The following ZNF568 variants were observed in gnomAD, a reference collection of about 807,000 sequenced individuals.
ZNF568 encodes p53 inhibitor of SCO2 activation.
A neutral mutation model predicts 18.1 loss-of-function variants in ZNF568; 11 were observed. The observed-to-expected ratio is 0.61, with a 90% CI of 0.38 to 1.00. ZNF568 has a LOEUF of 1.00. Ranked by LOEUF, ZNF568 falls within the 50% of genes least tolerant of loss-of-function variation. ZNF568 has a pLI of 0.01. For missense variants in ZNF568, 639 were observed against 768.2 expected (o/e 0.83, Z 1.99); for synonymous variants, 213 against 246.6 (o/e 0.86, Z 1.28).
chr19:36,965,747 G>A (rs975083170), intron 6 of ZNF568, among the ~76,000 whole-genome samples: 2 of 147,092 alleles, frequency 1.4e-5, no homozygotes, highest in Non-Finnish European at 3.0e-5. Context: ...TGTCATGCAG[G>A]CTGGAGTGCA....
At chr19:36,946,299 C>T (rs504549) in intron 6 of ZNF568, among the ~76,000 whole-genome samples, 58,031 of 151,738 alleles carry the variant, frequency 0.38, 11,644 homozygotes, top group African/African-American at 0.5. Flanking sequence ...CTTTCCTTTT[C>T]TTCTGGAATA....
chr19:36,960,813 C>T (rs190806386), intron 6 of ZNF568, among the ~76,000 whole-genome samples: 2 of 151,354 alleles, frequency 1.3e-5, no homozygotes, highest in East Asian at 1.9e-4. Context: ...TATTTAATTT[C>T]CATTTATTGG....
downstream of ZNF568, among the ~76,000 whole-genome samples, chr19:36,981,192 G>A (rs752430291): frequency 2.0e-5 from 3 of 152,046 alleles, no homozygotes; most frequent in East Asian, 3.8e-4. Context: ...CTGTCCGTCC[G>A]TTTGTCTATT....
intron 6 of ZNF568, among the ~76,000 whole-genome samples, chr19:36,957,745 A>G (rs1278505884): frequency 6.6e-6 from 1 of 152,236 alleles, no homozygotes; most frequent in African/African-American, 2.4e-5. Flanking sequence ...GTGGAAAAGA[A>G]GAGCAAGATT....
Position 36,937,152 on chromosome 19 carries a change from C to G in ZNF568, c.268C>G (p.Gln90Glu). The change falls in exon 6 of 7, where the codon CAA (glutamine) becomes GAA (glutamate). Residue 90 changes from glutamine to glutamate, a missense_variant. Gln to Glu is a conservative substitution (Grantham distance 29). Coordinates refer to ENST00000333987, the MANE Select transcript of ZNF568 (RefSeq NM_198539.4). Reference protein sequence around the residue: ...NYSNLVTVGCQVTKPDVIFKL... With the variant: ...NYSNLVTVGCEVTKPDVIFKL... The stretch of plus-strand genomic sequence containing the variant: ...TTTGCTATTTCTTGTAATAGGCTGT[C>G]AAGTCACCAAACCGGATGTGATATT... 1 of 1,613,582 alleles carries G rather than the reference C, an allele frequency of 6.2e-7. No individual in the cohort carries two copies. The highest frequency in any genetic ancestry group is 8.5e-7 in the Non-Finnish European group (1 of 1,179,690).
At chr19:36,930,947 A>G (rs1834539509) in intron 4 of ZNF568, among the ~76,000 whole-genome samples, 1 of 152,226 alleles carries the variant, frequency 6.6e-6, no homozygotes, top group South Asian at 2.1e-4. Flanking sequence ...TTTTTCAGTC[A>G]GAAATGTGTC....
chr19:36,922,310 G>A (rs994935115), intron 2 of ZNF568, among the ~76,000 whole-genome samples: 1 of 152,136 alleles, frequency 6.6e-6, no homozygotes, highest in Non-Finnish European at 1.5e-5. Context: ...GTTGAGTGTT[G>A]TCATGGTATG....
At chr19:36,960,351 C>T (rs557996961) in intron 6 of ZNF568, among the ~76,000 whole-genome samples, 5 of 151,894 alleles carry the variant, frequency 3.3e-5, no homozygotes, top group East Asian at 1.9e-4. Flanking sequence ...CTCCTGACCT[C>T]AGGTGATCCA....
At position 36,919,019 on chromosome 19, in the gene ZNF568, T is replaced by C. The variant is rs1386195421; in HGVS notation, c.-186+1371T>C. On this transcript the variant is annotated intron_variant, in intron 2 of 6. Coordinates refer to ENST00000333987, the MANE Select transcript of ZNF568 (RefSeq NM_198539.4). ...GTCATATATGGATAAATATTTTGTT[T>C]ATCAATTTATTCATCATTGGACACT... is the stretch of plus-strand genomic sequence containing the variant. Among the ~76,000 whole-genome samples the C allele has an allele frequency of 3.3e-5, 5 of 152,338 alleles. No homozygotes were observed. The East Asian group carries it at 9.6e-4, about 29-fold the overall frequency.
downstream of ZNF568, among the ~76,000 whole-genome samples, chr19:36,953,539 T>A (rs1216410861): frequency 7.9e-5 from 12 of 152,204 alleles, 1 homozygote; most frequent in Admixed American, 7.2e-4. Context: ...AACCAACCCT[T>A]ACAGAGGTGA....
At chr19:36,960,144 TCC>T in intron 6 of ZNF568, among the ~76,000 whole-genome samples, 1 of 132,490 alleles carries the variant, frequency 7.5e-6, no homozygotes, top group African/African-American at 2.8e-5. Flanking sequence ...AGACAGAGTC[TCC>T]TCGCTCTGTT....
chr19:36,924,641 C>T (rs2073520656), intron 3 of ZNF568, among the ~76,000 whole-genome samples: 1 of 150,374 alleles, frequency 6.7e-6, no homozygotes, highest in Non-Finnish European at 1.5e-5. Context: ...CCAGCCTGGC[C>T]AACATGGTGA....
At position 36,950,373 on chromosome 19, in the gene ZNF568, T is replaced by C. The variant is rs770041547; in HGVS notation, c.1220T>C (p.Ile407Thr). The C allele has an allele frequency of 1.9e-6, 3 of 1,613,880 alleles. No homozygotes were observed. Among genetic ancestry groups the C allele is most frequent in the Non-Finnish European group, 2.5e-6 (3 of 1,179,892 alleles). Residue 407 changes from isoleucine to threonine, a missense_variant, in exon 7 of 7, where the codon ATA (isoleucine) becomes ACA (threonine). Transcript: ENST00000333987. ...TTCTCTCAATGCTCAGTATTTATTA[T>C]ACATATGAGAAGTCACACTGGTGAG... ...KAFSQCSVFI[I>T]HMRSHTGEKP... is the part of the protein sequence containing the mutation.
At chr19:36,959,574 C>T (rs113375836) in intron 6 of ZNF568, among the ~76,000 whole-genome samples, 7 of 152,188 alleles carry the variant, frequency 4.6e-5, no homozygotes, top group African/African-American at 1.7e-4. Context: ...GAAATAGTTT[C>T]AGGAGAATTG....
chr19:36,983,222 ATACT>A (rs1194950615), downstream of ZNF568, among the ~76,000 whole-genome samples: 8 of 152,190 alleles, frequency 5.3e-5, no homozygotes, highest in African/African-American at 1.7e-4. Context: ...AGAGCCTAAG[ATACT>A]TACTATTTGG....
At chr19:36,930,751 C>G (rs2073673794) in intron 4 of ZNF568, among the ~76,000 whole-genome samples, 1 of 152,122 alleles carries the variant, frequency 6.6e-6, no homozygotes, top group African/African-American at 2.4e-5. Context: ...CACATCAACC[C>G]TTTAAGGAGA....
At chr19:36,991,597 A>T (rs2074424917) in intron 3 of ZNF568, 1 of 661,470 alleles carries the variant, frequency 1.5e-6, no homozygotes, top group African/African-American at 1.8e-5. Context: ...TTCTAATTAG[A>T]CAAGAAAGGA....
At chr19:36,973,815 A>G (rs1054224224) in intron 6 of ZNF568, 4 of 152,938 alleles carry the variant, frequency 2.6e-5, no homozygotes, top group Non-Finnish European at 5.8e-5. Flanking sequence ...AGGGGGCGGG[A>G]CACCCTCGCT....
At chr19:36,992,771 C>G (rs897031860) in intron 4 of ZNF568, among the ~76,000 whole-genome samples, 8 of 152,314 alleles carry the variant, frequency 5.3e-5, no homozygotes, top group Admixed American at 3.9e-4. Context: ...TTGTATCACT[C>G]AAAATGAAAC....
Sources: allele counts gnomAD v4.1 joint callset (sites outside exome capture counted in the v4.1 genomes callset), GRCh38; gene constraint gnomAD v4.1.1; transcripts MANE v1.5; gene names NCBI Gene and HGNC (gene_info 2026-07-23, HGNC 2026-07-21).